The following ERC2 variants were observed in gnomAD, a reference collection of about 807,000 sequenced individuals.
The protein encoded by ERC2 is ELKS/RAB6-interacting/CAST family member 2, also known as ERC protein 2.
A neutral mutation model predicts 114.8 loss-of-function variants in ERC2; 42 were observed. The ratio of observed to expected loss-of-function variants is 0.37; its 90% confidence interval spans 0.29 to 0.47. The LOEUF is 0.47. Ranked by LOEUF, ERC2 falls within the 20% of genes least tolerant of loss-of-function variation. The pLI is 0.99. For missense variants in ERC2, 939 were observed against 1,150.7 expected, an observed-to-expected ratio of 0.82 and a Z score of 2.66; for synonymous variants, 454 against 425.5, an observed-to-expected ratio of 1.07 and a Z score of -0.82.
intron 14 of ERC2, among the ~76,000 whole-genome samples, chr3:55,809,241 A>T (rs2059622684): frequency 6.6e-6 from 1 of 152,158 alleles, no homozygotes; most frequent in South Asian, 2.1e-4. Context: ...GTTTTGTGGC[A>T]TGCATAGAAT....
chr3:55,948,930 G>A (rs1348928452), intron 13 of ERC2, among the ~76,000 whole-genome samples: 1 of 152,142 alleles, frequency 6.6e-6, no homozygotes, highest in African/African-American at 2.4e-5. Context: ...GGCATGGTCT[G>A]TACCCAAGTA....
intron 7 of ERC2, among the ~76,000 whole-genome samples, chr3:56,023,418 T>C (rs1255588919): frequency 6.6e-6 from 1 of 152,162 alleles, no homozygotes; most frequent in East Asian, 1.9e-4. Flanking sequence ...TGCTATTCCC[T>C]AGCACGAGGA....
chr3:55,564,096 G>A (rs776945383), intron 17 of ERC2, among the ~76,000 whole-genome samples: 5 of 152,126 alleles, frequency 3.3e-5, no homozygotes, highest in Admixed American at 6.5e-5. Flanking sequence ...TCTAAGGCGC[G>A]GTATCTGGTG....
At chr3:56,210,016 T>G (rs965985482) in intron 3 of ERC2, among the ~76,000 whole-genome samples, 2 of 152,170 alleles carry the variant, frequency 1.3e-5, no homozygotes, top group Non-Finnish European at 2.9e-5. Context: ...ACTTTTATGA[T>G]TAGCAGACAT....
At chr3:55,867,343 T>G (rs1488376927) in intron 14 of ERC2, among the ~76,000 whole-genome samples, 2 of 151,646 alleles carry the variant, frequency 1.3e-5, no homozygotes, top group Non-Finnish European at 2.9e-5. Context: ...GCCTGGCATG[T>G]GGTAGGTGTT....
intron 2 of ERC2, among the ~76,000 whole-genome samples, chr3:56,330,946 C>T (rs913906549): frequency 3.9e-5 from 6 of 152,172 alleles, no homozygotes; most frequent in African/African-American, 1.4e-4. Context: ...GCAAGAGATT[C>T]AGGATCACAG....
rs75406331 is a variant in ERC2 at position 56,007,574 on chromosome 3, G to A, written c.1921-253C>T. On this transcript the variant is annotated intron_variant, in intron 9 of 17. Coordinates refer to ENST00000288221, the MANE Select transcript of ERC2 (RefSeq NM_015576.3). Reference sequence around the variant, plus strand: ...TGTGGTCAGTAAATGCATGTTTCACGTCTCAAAGTCATGCTAATGATGTAA... The same window carrying A: ...TGTGGTCAGTAAATGCATGTTTCACATCTCAAAGTCATGCTAATGATGTAA... Among the ~76,000 whole-genome samples, 26 of 152,138 alleles carry A rather than the reference G, an allele frequency of 1.7e-4. No individual in the cohort carries two copies. The East Asian group carries it at 1.7e-3, about 10-fold the overall frequency.
chr3:55,901,296 T>C (rs1030476837), intron 13 of ERC2, among the ~76,000 whole-genome samples: 3 of 152,200 alleles, frequency 2.0e-5, no homozygotes, highest in Non-Finnish European at 4.4e-5. Flanking sequence ...CTGCTTATAG[T>C]TCTACAGGTC....
intron 2 of ERC2, among the ~76,000 whole-genome samples, chr3:56,318,692 T>C (rs2056983595): frequency 1.3e-5 from 2 of 151,510 alleles, no homozygotes; most frequent in African/African-American, 2.4e-5. Context: ...AACATGTATA[T>C]GAAACAGATG....
intron 16 of ERC2, among the ~76,000 whole-genome samples, chr3:55,685,134 T>C (rs2062259443): frequency 6.6e-6 from 1 of 152,236 alleles, no homozygotes; most frequent in South Asian, 2.1e-4. Flanking sequence ...TTTATTTCCT[T>C]TGTATTTCTA....
At chr3:55,877,620 T>A (rs1389803666) in intron 14 of ERC2, among the ~76,000 whole-genome samples, 6 of 151,232 alleles carry the variant, frequency 4.0e-5, no homozygotes, top group African/African-American at 9.7e-5. Context: ...CAAGAGATCC[T>A]CCCATCTCAG....
chr3:56,384,283 T>C (rs2059857455), intron 2 of ERC2, among the ~76,000 whole-genome samples: 1 of 152,176 alleles, frequency 6.6e-6, no homozygotes, highest in South Asian at 2.1e-4. Context: ...TGCCATACTG[T>C]TTTCTGTAGC....
Position 56,139,628 on chromosome 3 carries a change from C to A in ERC2, c.1354G>T (p.Ala452Ser). The A allele has an allele frequency of 6.2e-7, 1 of 1,611,328 alleles. No individual in the cohort carries two copies. Among genetic ancestry groups the A allele is most frequent in the East Asian group, 2.2e-5 (1 of 44,790 alleles). The change falls in exon 6 of 18, where the codon GCC becomes TCC. Residue 452 changes from alanine (A) to serine (S), a missense_variant. Ala to Ser is a moderately conservative substitution (Grantham distance 99). This residue lies in a region of ERC2 where 149 missense variants were observed against 254.6 expected (regional missense o/e 0.59). Coordinates refer to ENST00000288221, the MANE Select transcript of ERC2 (RefSeq NM_015576.3). ...AGGGTTTCAAGCTTTGTTTGTAAGG[C>A]AAGAAGTTCCGACTCTTTCTTTGAA... ...ELSKKESELL[A>S]LQTKLETLSN... is the part of the protein sequence containing the mutation.
chr3:56,160,279 G>A (rs934441330), intron 4 of ERC2, among the ~76,000 whole-genome samples: 4 of 152,064 alleles, frequency 2.6e-5, no homozygotes, highest in African/African-American at 4.8e-5. Context: ...GTCTTCTTTC[G>A]AGAAGTGTCT....
intron 17 of ERC2, among the ~76,000 whole-genome samples, chr3:55,513,145 C>T (rs2052216707): frequency 6.6e-6 from 1 of 152,206 alleles, no homozygotes; most frequent in South Asian, 2.1e-4. Flanking sequence ...AACGCAGCAG[C>T]CAACAACAGC....
intron 2 of ERC2, among the ~76,000 whole-genome samples, chr3:56,386,173 G>GT (rs1450508918): frequency 3.9e-5 from 6 of 152,148 alleles, no homozygotes; most frequent in Non-Finnish European, 8.8e-5. Context: ...GCAAAGCTTT[G>GT]TACCTACACT....
intron 3 of ERC2, among the ~76,000 whole-genome samples, chr3:56,276,474 A>AAAAAAAAAACAAAC (rs1446116012): frequency 6.8e-6 from 1 of 147,004 alleles, no homozygotes; most frequent in Non-Finnish European, 1.5e-5. Context: ...AAAAAAAAAA[A>AAAAAAAAAACAAAC]AAACAAACTC....
chr3:56,164,067 T>C (rs2082196041), intron 4 of ERC2, among the ~76,000 whole-genome samples: 1 of 151,986 alleles, frequency 6.6e-6, no homozygotes, highest in Admixed American at 6.6e-5. Context: ...TAAGCAAAGT[T>C]ATTAATCATT....
intron 6 of ERC2, among the ~76,000 whole-genome samples, chr3:56,102,635 G>A (rs891098195): frequency 6.6e-6 from 1 of 152,270 alleles, no homozygotes; most frequent in Admixed American, 6.5e-5. Context: ...TATATAATTA[G>A]ACAAAGAAGA....
Sources: allele counts gnomAD v4.1 joint callset (sites outside exome capture counted in the v4.1 genomes callset), GRCh38; gene constraint gnomAD v4.1.1; regional missense constraint gnomAD v4.1.1; transcripts MANE v1.5; gene names NCBI Gene and HGNC (gene_info 2026-07-23, HGNC 2026-07-21).